The following UBR3 variants were observed in gnomAD, a reference collection of about 807,000 sequenced individuals.
UBR3 encodes ubiquitin protein ligase E3 component n-recognin 3, also known as E3 ubiquitin-protein ligase UBR3.
Under a neutral mutation model 243.2 loss-of-function variants are expected in UBR3, and 85 were observed. The ratio of observed to expected loss-of-function variants is 0.35; its 90% CI spans 0.29 to 0.42. The LOEUF is 0.42. Ranked by LOEUF, UBR3 falls within the 10% of genes least tolerant of loss-of-function variation. The pLI is 1.00. For synonymous variants in UBR3, 748 were observed against 799.8 expected, an observed-to-expected ratio of 0.94 and a Z score of 1.09; for missense variants, 1,686 against 2,300.8, an observed-to-expected ratio of 0.73 and a Z score of 5.47.
chr2:170,022,671 A>T (rs969024366), intron 30 of UBR3, among the ~76,000 whole-genome samples: 3 of 152,200 alleles, frequency 2.0e-5, no homozygotes, highest in Non-Finnish European at 2.9e-5. Context: ...AGTATTAGAT[A>T]TATGAGCTAA....
chr2:169,845,533 C>CT (rs2082446372), intron 1 of UBR3, among the ~76,000 whole-genome samples: 1 of 125,004 alleles, frequency 8.0e-6, no homozygotes, highest in Non-Finnish European at 1.7e-5. Flanking sequence ...TCGTCGTCGT[C>CT]TTCTTCTTCT....
chr2:170,049,823 C>T (rs1475610207), intron 32 of UBR3, among the ~76,000 whole-genome samples: 1 of 152,218 alleles, frequency 6.6e-6, no homozygotes, highest in African/African-American at 2.4e-5. Flanking sequence ...GCAGCACTAT[C>T]TATCCTAATG....
At chr2:169,904,631 T>G (rs1454379625) in intron 8 of UBR3, among the ~76,000 whole-genome samples, 1 of 152,118 alleles carries the variant, frequency 6.6e-6, no homozygotes, top group Non-Finnish European at 1.5e-5. Flanking sequence ...TGCTAAAGAT[T>G]GTATTGATGT....
intron 1 of UBR3, among the ~76,000 whole-genome samples, chr2:169,848,597 C>T (rs1027595705): frequency 5.9e-5 from 9 of 151,844 alleles, no homozygotes; most frequent in Admixed American, 2.6e-4. Flanking sequence ...TTGCTTTCTG[C>T]TCTATTTTTG....
intron 35 of UBR3, among the ~76,000 whole-genome samples, chr2:170,069,562 GTT>G (rs952448316): frequency 3.9e-5 from 6 of 151,974 alleles, no homozygotes; most frequent in African/African-American, 1.5e-4. Context: ...TTATAACAGA[GTT>G]TGTACCCTTT....
chr2:169,942,423 T>G, intron 19 of UBR3, 70 bp from the exon 20 acceptor site: 1 of 1,434,964 alleles, frequency 7.0e-7, no homozygotes, highest in Non-Finnish European at 9.2e-7. Context: ...TTGGTGTCTA[T>G]AAATTACATT....
chr2:169,876,858 C>T (rs1219060284), intron 3 of UBR3, among the ~76,000 whole-genome samples: 1 of 152,160 alleles, frequency 6.6e-6, no homozygotes, highest in East Asian at 1.9e-4. Context: ...GCCACCACGC[C>T]CGGCCCTACG....
intron 32 of UBR3, among the ~76,000 whole-genome samples, chr2:170,049,061 T>G (rs2091156539): frequency 6.6e-6 from 1 of 152,180 alleles, no homozygotes; most frequent in Admixed American, 6.5e-5. Flanking sequence ...GTGGTCCCCC[T>G]TTACTTCTCC....
intron 27 of UBR3, among the ~76,000 whole-genome samples, 167 bp from the exon 28 acceptor site, chr2:170,006,823 T>G (rs946475663): frequency 6.6e-6 from 1 of 152,216 alleles, no homozygotes; most frequent in African/African-American, 2.4e-5. Context: ...AAGAAGTGAT[T>G]TGGTGAACTT....
chr2:169,972,400 C>G (rs2105377105), intron 24 of UBR3, among the ~76,000 whole-genome samples: 1 of 152,244 alleles, frequency 6.6e-6, no homozygotes. Flanking sequence ...GGGAATCCTC[C>G]CTAACTCTTT....
intron 24 of UBR3, among the ~76,000 whole-genome samples, chr2:169,979,934 A>G (rs908938391): frequency 2.0e-5 from 3 of 152,226 alleles, no homozygotes; most frequent in African/African-American, 4.8e-5. Context: ...AATGCAGACT[A>G]TGACAGGAGA....
intron 32 of UBR3, among the ~76,000 whole-genome samples, chr2:170,045,692 C>G (rs2091066832): frequency 6.6e-6 from 1 of 152,164 alleles, no homozygotes; most frequent in Non-Finnish European, 1.5e-5. Flanking sequence ...CAGTAAAGAG[C>G]AGAGTTTCAT....
chr2:169,980,798 A>G (rs1184558514), intron 24 of UBR3, among the ~76,000 whole-genome samples: 1 of 113,862 alleles, frequency 8.8e-6, no homozygotes, highest in Admixed American at 1.2e-4. Flanking sequence ...GGTTTCTAAT[A>G]CAGTCCCCTC....
At position 169,864,629 on chromosome 2, in the gene UBR3, C is replaced by T. The variant is rs556842278; in HGVS notation, c.546-7607C>T. On this transcript the variant is annotated intron_variant, in intron 1 of 38. Transcript: ENST00000272793. ...ACTAAAAATACAAAAGAAGGCCGGG[C>T]GCGGTGGCTCACACCTGTAATCCCA... is the stretch of plus-strand genomic sequence containing the variant. Among the ~76,000 whole-genome samples, 4 of 152,012 alleles carry T rather than the reference C, an allele frequency of 2.6e-5. No individual in the cohort carries two copies. In the South Asian group the frequency reaches 6.2e-4, roughly 24 times the overall value.
intron 10 of UBR3, among the ~76,000 whole-genome samples, chr2:169,909,936 G>A (rs966722814): frequency 5.9e-5 from 9 of 152,128 alleles, no homozygotes; most frequent in Non-Finnish European, 1.3e-4. Context: ...CTACAGGCTT[G>A]GTGATGGATT....
chr2:169,984,117 C>T (rs1275638088), intron 24 of UBR3, among the ~76,000 whole-genome samples: 1 of 152,070 alleles, frequency 6.6e-6, no homozygotes, highest in Non-Finnish European at 1.5e-5. Flanking sequence ...TTGCATGGCA[C>T]ATCATTTAGA....
At chr2:170,066,012 AGTTAT>A (rs1252379831) in intron 35 of UBR3, among the ~76,000 whole-genome samples, 1 of 151,272 alleles carries the variant, frequency 6.6e-6, no homozygotes, top group Non-Finnish European at 1.5e-5. Context: ...ATCATTTAAG[AGTTAT>A]GTTTTCTATG....
chr2:170,032,175 A>G (rs2090690230), intron 31 of UBR3, among the ~76,000 whole-genome samples: 1 of 152,184 alleles, frequency 6.6e-6, no homozygotes. Flanking sequence ...CAATGTCAAG[A>G]AAATATCTAG....
chr2:169,838,492 G>C (rs1284438790), intron 1 of UBR3, among the ~76,000 whole-genome samples: 4 of 150,694 alleles, frequency 2.7e-5, no homozygotes, highest in Non-Finnish European at 5.9e-5. Context: ...AAGCGGGGAA[G>C]AGGGCAAACA....
Sources: allele counts gnomAD v4.1 joint callset (sites outside exome capture counted in the v4.1 genomes callset), GRCh38; gene constraint gnomAD v4.1.1; transcripts MANE v1.5; gene names NCBI Gene and HGNC (gene_info 2026-07-23, HGNC 2026-07-21).